Variants in RBMS3 observed in about 807,000 individuals in gnomAD.
RBMS3 encodes the protein RNA-binding motif, single-stranded-interacting protein 3.
A neutral mutation model predicts 66.8 loss-of-function variants in RBMS3; 27 were observed. That is an observed-to-expected ratio of 0.40 (90% CI 0.30 to 0.56). The LOEUF is 0.56. RBMS3 is among the 20% of genes least tolerant of loss of function. RBMS3 has a pLI of 0.40. For missense variants in RBMS3, 513 were observed against 549.5 expected (o/e 0.93, Z 0.66); for synonymous variants, 188 against 183.0 (o/e 1.03, Z -0.22).
At chr3:29,361,507 A>T (rs1414904229) in intron 1 of RBMS3, among the ~76,000 whole-genome samples, 1 of 152,144 alleles carries the variant, frequency 6.6e-6, no homozygotes, top group Non-Finnish European at 1.5e-5. Context: ...AACTTTGGCG[A>T]ATCTGACAAT....
chr3:29,425,276 A>C (rs896243368), intron 1 of RBMS3, among the ~76,000 whole-genome samples: 2 of 150,026 alleles, frequency 1.3e-5, no homozygotes, highest in African/African-American at 4.9e-5. Flanking sequence ...TGGGAGGCTG[A>C]GTCAGGAGAA....
intron 6 of RBMS3, among the ~76,000 whole-genome samples, chr3:29,868,362 G>A (rs12492854): frequency 0.079 from 12,026 of 152,128 alleles, 974 homozygotes; most frequent in African/African-American, 0.2. Flanking sequence ...TCAGCTTCTA[G>A]CCATTTAGAA....
intron 11 of RBMS3, among the ~76,000 whole-genome samples, chr3:29,939,508 C>T (rs1240713286): frequency 2.0e-5 from 3 of 151,776 alleles, no homozygotes; most frequent in Non-Finnish European, 4.4e-5. Context: ...ACATACAGAC[C>T]CAGGGTGGTC....
intron 6 of RBMS3, among the ~76,000 whole-genome samples, chr3:29,835,802 G>A (rs72848031): frequency 0.025 from 3,729 of 151,260 alleles, 155 homozygotes; most frequent in African/African-American, 0.085. Context: ...TTGAGAAGAG[G>A]AAACCAATAG....
chr3:29,318,139 C>T (rs1207624234), intron 1 of RBMS3, among the ~76,000 whole-genome samples: 1 of 151,830 alleles, frequency 6.6e-6, no homozygotes, highest in African/African-American at 2.4e-5. Context: ...TCATATCAAT[C>T]TAATTAGAAA....
At chr3:29,815,900 G>C (rs937643704) in intron 6 of RBMS3, among the ~76,000 whole-genome samples, 1 of 151,644 alleles carries the variant, frequency 6.6e-6, no homozygotes, top group Non-Finnish European at 1.5e-5. Flanking sequence ...ACTTATCCAT[G>C]TAACCGAAAA....
At chr3:29,993,945 G>T (rs907791265) in intron 14 of RBMS3, among the ~76,000 whole-genome samples, 27 of 151,972 alleles carry the variant, frequency 1.8e-4, no homozygotes, top group Non-Finnish European at 2.6e-4. Context: ...GGCCGAATAG[G>T]AACAGCTCCA....
intron 3 of RBMS3, among the ~76,000 whole-genome samples, chr3:29,522,922 T>G (rs1260604647): frequency 6.6e-6 from 1 of 152,156 alleles, no homozygotes; most frequent in Non-Finnish European, 1.5e-5. Flanking sequence ...GACCCTTACT[T>G]AGTACTTCTC....
Position 29,739,805 on chromosome 3 carries a change from C to T in RBMS3, c.485C>T (p.Pro162Leu). 6.2e-7 allele frequency: 1 copy of T among 1,613,328 alleles called. No homozygotes were observed. The highest frequency in any genetic ancestry group is 8.5e-7 in the Non-Finnish European group (1 of 1,179,562). The change falls in exon 5 of 15, where the codon CCC becomes CTC. Residue 162 changes from proline (P) to leucine (L), a missense_variant. Transcript: ENST00000383767. ...DEQELENMLK[P>L]FGHVISTRIL... ...CAGGAGCTTGAGAATATGCTGAAAC[C>T]CTTTGGACATGTCATTTCCACAAGA...
rs145597146 is a variant in RBMS3 at position 29,928,809 on chromosome 3, A to G, written c.940-7277A>G. ...GTCACTTGCTCCTCTCTTCTCTCAT[A>G]ACATATTTGAACCAGGCTACTGGTC... On this transcript the variant is annotated intron_variant, in intron 10 of 14. Coordinates refer to ENST00000383767, the MANE Select transcript of RBMS3 (RefSeq NM_001003793.3). Among the ~76,000 whole-genome samples the G allele has an allele frequency of 9.8e-3, 1,475 of 150,748 alleles. 20 individuals carry two copies. Among genetic ancestry groups the G allele is most frequent in the South Asian group, 0.038 (179 of 4,670 alleles).
At chr3:29,901,655 C>T (rs1315044279) in intron 10 of RBMS3, among the ~76,000 whole-genome samples, 1 of 151,672 alleles carries the variant, frequency 6.6e-6, no homozygotes, top group Non-Finnish European at 1.5e-5. Flanking sequence ...TGTGTGTGTA[C>T]TTTAATTTGT....
chr3:29,707,822 A>C (rs2052978209), intron 4 of RBMS3, among the ~76,000 whole-genome samples: 1 of 152,378 alleles, frequency 6.6e-6, no homozygotes, highest in Non-Finnish European at 1.5e-5. Flanking sequence ...ATTTGAGAAA[A>C]GACAGGTCAA....
chr3:29,358,818 G>A lies in RBMS3; in HGVS notation c.76-75925G>A, dbSNP rs563593499. ...ATTCTCTTTGAAGCAATTGTGAATG[G>A]GAGTTCACTCATGATTTGGTTCTCT... is the stretch of plus-strand genomic sequence containing the variant. On this transcript the variant is annotated intron_variant, in intron 1 of 14. Coordinates refer to ENST00000383767, the MANE Select transcript of RBMS3 (RefSeq NM_001003793.3). 4.6e-5 allele frequency among the ~76,000 whole-genome samples: 7 copies of A among 152,184 alleles called. No individual in the cohort carries two copies. The East Asian group carries it at 1.2e-3, about 25-fold the overall frequency.
intron 4 of RBMS3, among the ~76,000 whole-genome samples, chr3:29,705,655 T>A (rs1373948676): frequency 6.6e-6 from 1 of 152,188 alleles, no homozygotes; most frequent in Non-Finnish European, 1.5e-5. Flanking sequence ...CTGTCCACCC[T>A]CCTGCACATC....
intron 1 of RBMS3, among the ~76,000 whole-genome samples, chr3:29,423,059 C>T (rs543632089): frequency 7.6e-4 from 115 of 152,220 alleles, no homozygotes; most frequent in African/African-American, 2.6e-3. Flanking sequence ...AAACCTTCTC[C>T]TTTTTTTGCC....
At chr3:29,508,330 T>C (rs1249207418) in intron 3 of RBMS3, among the ~76,000 whole-genome samples, 1 of 152,164 alleles carries the variant, frequency 6.6e-6, no homozygotes, top group Non-Finnish European at 1.5e-5. Flanking sequence ...TAGGTATTTC[T>C]CCTAATGCTA....
intron 1 of RBMS3, among the ~76,000 whole-genome samples, chr3:29,295,566 A>G (rs942012602): frequency 2.0e-5 from 3 of 151,442 alleles, no homozygotes; most frequent in African/African-American, 4.8e-5. Flanking sequence ...TGTCTTTTAC[A>G]GAATTCTATA....
At chr3:29,504,225 G>GA (rs1033157715) in intron 3 of RBMS3, among the ~76,000 whole-genome samples, 29 of 152,090 alleles carry the variant, frequency 1.9e-4, no homozygotes, top group African/African-American at 6.5e-4. Flanking sequence ...GTTAGTAGGG[G>GA]AAAAAAATGA....
chr3:29,399,181 C>T (rs2039691868), intron 1 of RBMS3, among the ~76,000 whole-genome samples: 2 of 151,876 alleles, frequency 1.3e-5, no homozygotes, highest in Admixed American at 6.6e-5. Flanking sequence ...AAATAAAGTC[C>T]AAGTCTCAAA....
Sources: gnomAD v4.1 joint callset for allele counts (sites outside exome capture counted in the v4.1 genomes callset) on GRCh38, gnomAD v4.1.1 for gene constraint, MANE v1.5 for transcripts, NCBI Gene and HGNC (gene_info 2026-07-23, HGNC 2026-07-21) for gene names.